TUBGCP2: variants seen among roughly 807,000 people sequenced by gnomAD.
TUBGCP2 encodes the protein tubulin gamma complex component 2.
Under a neutral mutation model 92.2 loss-of-function variants are expected in TUBGCP2, and 55 were observed. That is an observed-to-expected ratio of 0.60 (90% CI 0.48 to 0.75). TUBGCP2 has a LOEUF of 0.75. TUBGCP2 is among the 30% of genes least tolerant of loss of function. The probability of loss-of-function intolerance (pLI) is 0.00; values close to 1 mark genes in which losing one functional copy is unlikely to be tolerated. For missense variants in TUBGCP2, 1,093 were observed against 1,188.9 expected (o/e 0.92, Z 1.19); for synonymous variants, 533 against 505.2 (o/e 1.06, Z -0.74).
At chr10:133,284,134 C>A in intron 13 of TUBGCP2, 132 bp from the exon 14 acceptor site, 3 of 1,403,512 alleles carry the variant, frequency 2.1e-6, no homozygotes, top group South Asian at 2.8e-5. Flanking sequence ...GCAGAGCAAG[C>A]GCCCCTCCCA....
At chr10:133,283,679 GCC>G (rs1847047493) in intron 14 of TUBGCP2, among the ~76,000 whole-genome samples, 2 of 6,014 alleles carry the variant, frequency 3.3e-4, no homozygotes, top group Non-Finnish European at 7.5e-4. Flanking sequence ...TGCACTCCCT[GCC>G]TCTCCCGCAT....
intron 1 of TUBGCP2, chr10:133,308,350 A>T (rs1229212264): frequency 2.6e-5 from 4 of 152,256 alleles, no homozygotes; most frequent in African/African-American, 9.6e-5. Context: ...GACCCCGACA[A>T]ACCAGGAAAG....
chr10:133,292,045 C>G (rs1589828572), intron 8 of TUBGCP2, among the ~76,000 whole-genome samples: 1 of 11,236 alleles, frequency 8.9e-5, no homozygotes, highest in Admixed American at 5.8e-4. Context: ...CCGTGTCCCT[C>G]CGTGTCCCCC....
chr10:133,312,210 T>C (rs575109644), upstream of TUBGCP2: 3 of 1,392,220 alleles, frequency 2.2e-6, no homozygotes, highest in East Asian at 3.1e-5. Context: ...CGTCTGCGTT[T>C]CTAGCGTCAC....
In TUBGCP2 at chr10:133,281,401, C is replaced by T. The variant is rs765463109; in HGVS notation, c.2445G>A (p.Val815=). ...TGTTGATGGTGGCCTCGAAGCCGGA[C>T]ACCAGCTGCACAGTGTCTGCGTGCT... ...LAEHADTVQL[V]SGFEATINKF... is the part of the protein sequence containing the mutation. Residue 815 remains valine (V), a synonymous_variant, in exon 17 of 18, where the codon GTG becomes GTA. Coordinates refer to ENST00000252936, the MANE Select transcript of TUBGCP2 (RefSeq NM_006659.4). 6.2e-7 allele frequency: 1 copy of T among 1,613,574 alleles called. No homozygotes were observed. Among genetic ancestry groups the T allele is most frequent in the Non-Finnish European group, 8.5e-7 (1 of 1,180,014 alleles).
Position 133,283,145 on chromosome 10 carries a change from T to C in TUBGCP2, c.2222A>G (p.Asn741Ser), listed in dbSNP as rs533324928. The C allele has an allele frequency of 5.6e-6, 9 of 1,614,100 alleles. No individual in the cohort carries two copies. The East Asian group carries it at 1.1e-4, about 20-fold the overall frequency. The change falls in exon 15 of 18, where the codon AAC (asparagine) becomes AGC (serine). Residue 741 changes from asparagine to serine, a missense_variant. Around this residue, in one of 3 missense-constraint regions of TUBGCP2, gnomAD observed 598 missense variants for 675.5 expected, o/e 0.89. Transcript: ENST00000252936. The part of the protein sequence containing the change: ...DTCLKDCMLT[N>S]PELLKVFSKL... ...GGAGAAGACCTTCAGCAGCTCGGGG[T>C]TGGTGAGCATGCAGTCCTTCAGGCA...
chr10:133,284,063 A>G, intron 13 of TUBGCP2, 61 bp from the exon 14 acceptor site: 1 of 1,588,888 alleles, frequency 6.3e-7, no homozygotes, highest in Non-Finnish European at 8.6e-7. Flanking sequence ...GCGCCCACCA[A>G]GTGACACGGA....
At chr10:133,311,852 G>A (rs1222106658), upstream of TUBGCP2, 6 of 1,613,230 alleles carry the variant, frequency 3.7e-6, no homozygotes, top group South Asian at 1.1e-5. Context: ...GTCAGTGTCT[G>A]AGCTCTTTCT....
At chr10:133,293,477 G>A in intron 6 of TUBGCP2, 85 bp downstream of exon 6, 1 of 1,451,582 alleles carries the variant, frequency 6.9e-7, no homozygotes, top group Non-Finnish European at 9.4e-7. Flanking sequence ...TAGAAGCGAT[G>A]CAGACGTCCC....
At chr10:133,288,760 A>G in intron 10 of TUBGCP2, 80 bp downstream of exon 10, 1 of 1,437,456 alleles carries the variant, frequency 7.0e-7, no homozygotes, top group Non-Finnish European at 9.3e-7. Context: ...GAAGAAACCC[A>G]GCGATCTCAG....
chr10:133,308,452 G>C (rs1180075538), intron 1 of TUBGCP2: 4 of 152,540 alleles, frequency 2.6e-5, no homozygotes, highest in African/African-American at 9.6e-5. Flanking sequence ...TCCAGTTCGC[G>C]ACTGGTTTAG....
rs1042805428 is a variant in TUBGCP2 at position 133,292,794 on chromosome 10, C to T, written c.1025-106G>A. The T allele has an allele frequency of 1.7e-5, 23 of 1,363,310 alleles. No homozygotes were observed. The African/African-American group carries it at 2.0e-4, about 12-fold the overall frequency. 84.5% of individuals were successfully genotyped at this position (1,363,310 alleles called of 1,614,324 possible). ...TGCTTCTCCAACCTTCTTCCTGGGA[C>T]GGTGCTGCTTCTTTGGGATACGTAT... On this transcript the variant is annotated intron_variant, in intron 7 of 17. Coordinates refer to ENST00000252936, the MANE Select transcript of TUBGCP2 (RefSeq NM_006659.4).
At chr10:133,296,989 G>GT (rs1413920680) in intron 5 of TUBGCP2, among the ~76,000 whole-genome samples, 1 of 152,230 alleles carries the variant, frequency 6.6e-6, no homozygotes, top group African/African-American at 2.4e-5. Flanking sequence ...TTGCAGAGCC[G>GT]TGAGTAGTGG....
Position 133,283,929 on chromosome 10 carries a change from C to G in TUBGCP2, c.2098G>C (p.Glu700Gln), listed in dbSNP as rs771226552. 1 of 1,614,168 alleles carries G rather than the reference C, an allele frequency of 6.2e-7. No individual in the cohort carries two copies. Among genetic ancestry groups the G allele is most frequent in the South Asian group, 1.1e-5 (1 of 91,088 alleles). ...ATGTGCCAGGTCGGTTCCATCACTT[C>G]AAACATCATGTAGTATTGAATATTC... ...VQNIQYYMMF[E>Q]VMEPTWHILE... Residue 700 changes from glutamate to glutamine, a missense_variant, in exon 14 of 18, where the codon GAA becomes CAA. Around this residue, in one of 3 missense-constraint regions of TUBGCP2, gnomAD observed 598 missense variants for 675.5 expected, o/e 0.89. Coordinates refer to ENST00000252936, the MANE Select transcript of TUBGCP2 (RefSeq NM_006659.4).
chr10:133,286,230 G>A (rs1251922705), intron 11 of TUBGCP2, among the ~76,000 whole-genome samples: 1 of 152,104 alleles, frequency 6.6e-6, no homozygotes, highest in African/African-American at 2.4e-5. Context: ...AAATAGCCAA[G>A]GTGGGAGCTT....
chr10:133,285,276 G>C lies in TUBGCP2; in HGVS notation c.1896-63C>G, dbSNP rs749083702. ...TGACCGGCGGCGTCGTGGACACGGC[G>C]TCTGTACTCCACAGTCCGCACCGTG... On this transcript the variant is annotated intron_variant, in intron 12 of 17. Transcript: ENST00000252936. The surrounding 1 kb of genome is among the most constrained non-coding windows in gnomAD (Gnocchi z 6.8). 3 of 1,604,526 alleles carry C rather than the reference G, an allele frequency of 1.9e-6. No individual in the cohort carries two copies. The highest frequency in any genetic ancestry group is 2.7e-5 in the African/African-American group (2 of 74,914).
intron 10 of TUBGCP2, 51 bp downstream of exon 10, chr10:133,288,789 C>G: frequency 1.3e-6 from 2 of 1,522,630 alleles, no homozygotes; most frequent in Non-Finnish European, 1.8e-6. Context: ...CCCACAGGTT[C>G]CGGTTTCAGA....
chr10:133,284,819 G>A (rs1263598654), intron 13 of TUBGCP2, among the ~76,000 whole-genome samples: 1 of 152,236 alleles, frequency 6.6e-6, no homozygotes, highest in Non-Finnish European at 1.5e-5. Context: ...CCATGCCCGT[G>A]CAGTCACCAC....
At position 133,285,617 on chromosome 10, in the gene TUBGCP2, C is replaced by T; in HGVS notation, c.1734G>A (p.Met578Ile). 2 of 1,512,714 alleles carry T rather than the reference C, an allele frequency of 1.3e-6. No homozygotes were observed. The highest frequency in any genetic ancestry group is 1.8e-6 in the Non-Finnish European group (2 of 1,129,574). 93.7% of individuals were successfully genotyped at this position (1,512,714 alleles called of 1,614,324 possible). A position where few individuals can be genotyped will look rare whatever the true frequency, so the allele number is the denominator to read the frequency against. Reference sequence around the variant, plus strand: ...AGAGCTGAGTGATGAGGTCATGGGGCATCAGGTCGATCTTGGAGGGAAGGA... The same window carrying T: ...AGAGCTGAGTGATGAGGTCATGGGGTATCAGGTCGATCTTGGAGGGAAGGA... The part of the protein sequence containing the change: ...PFKDDLKIDL[M>I]PHDLITQLLR... The change falls in exon 12 of 18, where the codon ATG (methionine) becomes ATA (isoleucine). Residue 578 changes from methionine to isoleucine, a missense_variant. Met to Ile is a conservative substitution (Grantham distance 10). Around this residue, in one of 3 missense-constraint regions of TUBGCP2, gnomAD observed 598 missense variants for 675.5 expected, o/e 0.89. Transcript: ENST00000252936. The surrounding 1 kb of genome is among the most constrained non-coding windows in gnomAD (Gnocchi z 6.8).
Sources: allele counts gnomAD v4.1 joint callset (sites outside exome capture counted in the v4.1 genomes callset), GRCh38; gene constraint gnomAD v4.1.1; regional missense constraint gnomAD v4.1.1; non-coding constraint Gnocchi (gnomAD v3.1); transcripts MANE v1.5; gene names NCBI Gene and HGNC (gene_info 2026-07-23, HGNC 2026-07-21).